IMMP2L: variants seen among roughly 807,000 people sequenced by gnomAD.
IMMP2L encodes inner mitochondrial membrane peptidase subunit 2.
A neutral mutation model predicts 19.3 loss-of-function variants in IMMP2L; 18 were observed. That is an observed-to-expected ratio of 0.93 (90% CI 0.64 to 1.38). IMMP2L has a LOEUF of 1.38. IMMP2L is among the 40% of genes most tolerant of loss of function. The pLI, the probability that IMMP2L is intolerant of heterozygous loss-of-function variation, is 0.00. For missense variants in IMMP2L, 233 were observed against 218.2 expected, an observed-to-expected ratio of 1.07 and a Z score of -0.43; for synonymous variants, 76 against 73.0, an observed-to-expected ratio of 1.04 and a Z score of -0.21.
intron 4 of IMMP2L, among the ~76,000 whole-genome samples, chr7:110,940,778 T>A (rs1023736706): frequency 2.0e-5 from 3 of 152,194 alleles, no homozygotes; most frequent in African/African-American, 7.2e-5. Flanking sequence ...TACCTGGCTA[T>A]CAGGAAATAC....
At chr7:111,326,416 A>G (rs1825322524) in intron 3 of IMMP2L, among the ~76,000 whole-genome samples, 1 of 151,864 alleles carries the variant, frequency 6.6e-6, no homozygotes, top group African/African-American at 2.4e-5. Context: ...AATTATGGGC[A>G]TGCATTCTCC....
intron 3 of IMMP2L, among the ~76,000 whole-genome samples, chr7:111,164,442 G>A (rs1460110837): frequency 3.3e-5 from 5 of 151,972 alleles, no homozygotes; most frequent in Non-Finnish European, 4.4e-5. Flanking sequence ...CCCATTCACA[G>A]GACATGTTGT....
intron 3 of IMMP2L, among the ~76,000 whole-genome samples, chr7:111,396,858 G>A (rs1832923026): frequency 6.6e-6 from 1 of 152,058 alleles, no homozygotes; most frequent in Non-Finnish European, 1.5e-5. Flanking sequence ...GCCGAGGAGG[G>A]CGGATCACAA....
At chr7:111,402,522 G>A (rs1833514581) in intron 3 of IMMP2L, among the ~76,000 whole-genome samples, 2 of 151,884 alleles carry the variant, frequency 1.3e-5, no homozygotes, top group African/African-American at 4.8e-5. Flanking sequence ...ACCAGCCCAG[G>A]CAACACAGTG....
intron 3 of IMMP2L, among the ~76,000 whole-genome samples, chr7:111,243,232 T>C (rs549054350): frequency 3.2e-4 from 48 of 152,126 alleles, no homozygotes; most frequent in African/African-American, 1.1e-3. Flanking sequence ...GTATTTATTA[T>C]ATATTGAATT....
At chr7:111,101,305 A>T (rs1586267141) in intron 3 of IMMP2L, among the ~76,000 whole-genome samples, 2 of 151,590 alleles carry the variant, frequency 1.3e-5, no homozygotes, top group East Asian at 3.9e-4. Context: ...ATTGAACAGA[A>T]CCTTGGCATA....
intron 5 of IMMP2L, among the ~76,000 whole-genome samples, chr7:110,741,430 A>G (rs1796983147): frequency 6.6e-6 from 1 of 152,252 alleles, no homozygotes; most frequent in African/African-American, 2.4e-5. Context: ...CCATGAGGGC[A>G]GAGCCCTCAT....
intron 5 of IMMP2L, among the ~76,000 whole-genome samples, chr7:110,855,440 ATTGT>A (rs1204181407): frequency 6.6e-6 from 1 of 151,914 alleles, no homozygotes; most frequent in African/African-American, 2.4e-5. Flanking sequence ...ACCACTGACA[ATTGT>A]TTGGACCTGG....
chr7:111,209,798 C>T (rs1196752862), intron 3 of IMMP2L, among the ~76,000 whole-genome samples: 1 of 152,040 alleles, frequency 6.6e-6, no homozygotes, highest in African/African-American at 2.4e-5. Context: ...AGAAACTGCC[C>T]AGAAAGAGGT....
intron 3 of IMMP2L, among the ~76,000 whole-genome samples, chr7:111,362,227 C>T (rs565624881): frequency 3.1e-4 from 47 of 152,106 alleles, no homozygotes; most frequent in African/African-American, 1.1e-3. Context: ...GGATTTTACC[C>T]TAATGTAATC....
At chr7:110,913,268 A>G (rs1813250547) in intron 4 of IMMP2L, among the ~76,000 whole-genome samples, 2 of 152,124 alleles carry the variant, frequency 1.3e-5, no homozygotes, top group South Asian at 4.1e-4. Flanking sequence ...TATGACAATG[A>G]GATTTGATGC....
At chr7:111,117,728 A>G (rs2129586297) in intron 3 of IMMP2L, among the ~76,000 whole-genome samples, 1 of 152,216 alleles carries the variant, frequency 6.6e-6, no homozygotes, top group African/African-American at 2.4e-5. Flanking sequence ...TAGTGGGAGA[A>G]TAGAATTTAA....
chr7:111,254,099 A>AT (rs1816441660), intron 3 of IMMP2L, among the ~76,000 whole-genome samples: 1 of 152,046 alleles, frequency 6.6e-6, no homozygotes, highest in South Asian at 2.1e-4. Flanking sequence ...TGAGCTAAGC[A>AT]TTTTTTTCCC....
chr7:111,022,046 A>G (rs9690080), intron 3 of IMMP2L, among the ~76,000 whole-genome samples: 71,338 of 152,008 alleles, frequency 0.47, 18,076 homozygotes, highest in Non-Finnish European at 0.58. Flanking sequence ...ACACAGCCAA[A>G]CCATATCACT....
chr7:111,321,236 T>A (rs1824674704), intron 3 of IMMP2L, among the ~76,000 whole-genome samples: 1 of 151,926 alleles, frequency 6.6e-6, no homozygotes, highest in African/African-American at 2.4e-5. Context: ...AAAGCATCTG[T>A]CCATACAGTG....
intron 3 of IMMP2L, among the ~76,000 whole-genome samples, chr7:111,235,331 C>T (rs1231603994): frequency 1.3e-5 from 2 of 151,856 alleles, no homozygotes; most frequent in East Asian, 1.9e-4. Context: ...ATTAGCCGAG[C>T]GTGGTGGTGG....
In IMMP2L at chr7:111,556,018, G is replaced by GTGTATATATATATATATATATATATA. The variant is rs777862357; in HGVS notation, c.-3+5832_-3+5833insTATATATATATATATATATATATACA. Among the ~76,000 whole-genome samples, 383 of 91,312 alleles carry GTGTATATATATATATATATATATATA rather than the reference G, an allele frequency of 4.2e-3. 14 individuals carry two copies. The highest frequency in any genetic ancestry group is 8.1e-3 in the Admixed American group (60 of 7,382). The allele number at this position is 91,312 out of a possible 152,430, so 59.9% of individuals were successfully genotyped here. ...TTAGCCATCCCTCTTCTGTGTGCAT[G>GTGTATATATATATATATATATATATA]TATATATATATATATATACATACCC... On this transcript the variant is annotated intron_variant, in intron 1 of 5. Transcript: ENST00000405709.
intron 5 of IMMP2L, among the ~76,000 whole-genome samples, chr7:110,776,813 C>T (rs905839550): frequency 2.0e-5 from 3 of 151,962 alleles, no homozygotes; most frequent in African/African-American, 7.2e-5. Flanking sequence ...TCTCTTTATG[C>T]CTCAAGTTGA....
At position 111,102,036 on chromosome 7, in the gene IMMP2L, C is replaced by T. The variant is rs182084298; in HGVS notation, c.240-138471G>A. Among the ~76,000 whole-genome samples, 38 of 150,660 alleles carry T rather than the reference C, an allele frequency of 2.5e-4. No individual in the cohort carries two copies. In the East Asian group the frequency reaches 6.1e-3, roughly 24 times the overall value. ...CAAATGAGGGCCATGCAGAAACTGC[C>T]GCCAATATGATTAATGAGTGAACTC... On this transcript the variant is annotated intron_variant, in intron 3 of 5. Coordinates refer to ENST00000405709, the MANE Select transcript of IMMP2L (RefSeq NM_032549.4).
Sources: allele counts gnomAD v4.1 joint callset (sites outside exome capture counted in the v4.1 genomes callset), GRCh38; gene constraint gnomAD v4.1.1; transcripts MANE v1.5; gene names NCBI Gene and HGNC (gene_info 2026-07-23, HGNC 2026-07-21).